LY75: variants seen among roughly 807,000 people sequenced by gnomAD.
The protein encoded by LY75 is lymphocyte antigen 75.
LY75 carries 185 observed loss-of-function variants against 231.7 expected under a neutral mutation model. That is an observed-to-expected ratio of 0.80 (90% CI 0.71 to 0.90). The LOEUF (loss-of-function observed/expected upper bound fraction) is 0.90. Among genes scored for constraint, LY75 ranks in the 40% least tolerant of loss-of-function variants. The pLI is 0.00. For missense variants in LY75, 1,947 were observed against 2,050.2 expected, an observed-to-expected ratio of 0.95 and a Z score of 0.97; for synonymous variants, 668 against 689.0, an observed-to-expected ratio of 0.97 and a Z score of 0.48.
At position 159,817,001 on chromosome 2, in the gene LY75, C is replaced by T. The variant is rs1357152155; in HGVS notation, c.4185G>A (p.Leu1395=). 1 of 1,613,874 alleles carries T rather than the reference C, an allele frequency of 6.2e-7. No individual in the cohort carries two copies. The highest frequency in any genetic ancestry group is 8.5e-7 in the Non-Finnish European group (1 of 1,179,860). ...VDYKEEYNTT[L]PQFMPYEDGI... is the part of the protein sequence containing the mutation. ...CATCTTCATATGGCATAAACTGTGG[C>T]AGTGTAGTATTATATTCTTCTTTGT... Residue 1395 remains leucine, a synonymous_variant, in exon 30 of 35, where the codon CTG becomes CTA. Coordinates refer to ENST00000263636, the MANE Select transcript of LY75 (RefSeq NM_002349.4).
intron 2 of LY75, 64 bp downstream of exon 2, chr2:159,898,624 A>G: frequency 6.4e-7 from 1 of 1,552,402 alleles, no homozygotes; most frequent in Non-Finnish European, 8.7e-7. Flanking sequence ...TAAATTGTGC[A>G]TGTTTAATGC....
chr2:159,886,928 T>C (rs2125879527), intron 4 of LY75, among the ~76,000 whole-genome samples: 1 of 152,102 alleles, frequency 6.6e-6, no homozygotes, highest in African/African-American at 2.4e-5. Context: ...ACAATTTAAA[T>C]TCATTAGGCA....
chr2:159,903,680 A>AC (rs1420687545), intron 1 of LY75: 2 of 152,264 alleles, frequency 1.3e-5, no homozygotes, highest in Admixed American at 1.3e-4. Flanking sequence ...TTCCTCATAC[A>AC]GGCACGATAA....
intron 16 of LY75, among the ~76,000 whole-genome samples, chr2:159,857,431 C>G (rs2729718): frequency 0.034 from 5,223 of 152,244 alleles, 251 homozygotes; most frequent in East Asian, 0.16. Context: ...TAATTTCATA[C>G]AGCCAATCTC....
chr2:159,821,975 G>C (rs559603019), intron 28 of LY75, among the ~76,000 whole-genome samples: 1 of 152,304 alleles, frequency 6.6e-6, no homozygotes, highest in Admixed American at 6.5e-5. Context: ...AGCCATGAGG[G>C]ACTGAGCCTG....
intron 23 of LY75, among the ~76,000 whole-genome samples, chr2:159,844,323 T>TAAA (rs66740962): frequency 1.5e-5 from 2 of 133,420 alleles, no homozygotes; most frequent in Admixed American, 7.4e-5. Flanking sequence ...GGCCTAATGG[T>TAAA]AAAAAAAAAA....
At chr2:159,866,960 T>C (rs1313343823) in intron 13 of LY75, among the ~76,000 whole-genome samples, 2 of 152,112 alleles carry the variant, frequency 1.3e-5, no homozygotes, top group Admixed American at 1.3e-4. Flanking sequence ...CTCAAGCCCT[T>C]ACCCAGTCTT....
At chr2:159,897,887 G>A (rs1484786949) in intron 2 of LY75, among the ~76,000 whole-genome samples, 1 of 152,138 alleles carries the variant, frequency 6.6e-6, no homozygotes, top group Admixed American at 6.5e-5. Flanking sequence ...CCTAGACTCA[G>A]GGCTAAGTCC....
At chr2:159,902,155 A>G (rs940730682) in intron 1 of LY75, among the ~76,000 whole-genome samples, 1 of 152,350 alleles carries the variant, frequency 6.6e-6, no homozygotes, top group East Asian at 1.9e-4. Context: ...TTCTTTATCA[A>G]TAGCTTTCTA....
chr2:159,863,129 A>G (rs1428307871), intron 14 of LY75, among the ~76,000 whole-genome samples: 7 of 151,548 alleles, frequency 4.6e-5, no homozygotes, highest in African/African-American at 1.7e-4. Flanking sequence ...GTTGTCACAA[A>G]CGGCAGGATT....
chr2:159,847,852 G>A (rs1684249823), intron 23 of LY75, among the ~76,000 whole-genome samples: 1 of 151,852 alleles, frequency 6.6e-6, no homozygotes, highest in African/African-American at 2.4e-5. Context: ...CTCTCTGCAG[G>A]TAATGTGAAA....
intron 4 of LY75, 63 bp downstream of exon 4, chr2:159,890,150 C>G (rs1039491657): frequency 6.4e-7 from 1 of 1,558,698 alleles, no homozygotes; most frequent in Non-Finnish European, 8.6e-7. Context: ...GATATGAAAA[C>G]AGAAGAAGAA....
intron 29 of LY75, among the ~76,000 whole-genome samples, chr2:159,817,947 G>GC (rs1216355976): frequency 6.6e-6 from 1 of 152,132 alleles, no homozygotes; most frequent in African/African-American, 2.4e-5. Flanking sequence ...TACTTGGGAG[G>GC]CTGAGGCAGG....
chr2:159,850,320 C>G, intron 22 of LY75, 42 bp downstream of exon 22: 1 of 1,607,886 alleles, frequency 6.2e-7, no homozygotes, highest in Non-Finnish European at 8.5e-7. Flanking sequence ...CTAACCTGGC[C>G]CCAGATCAGA....
chr2:159,875,730 G>A (rs1685247218), intron 11 of LY75, 87 bp from the exon 12 acceptor site: 11 of 1,502,882 alleles, frequency 7.3e-6, no homozygotes, highest in Non-Finnish European at 3.6e-6. Context: ...CTTCAGCCAA[G>A]TTGGGGAGAG....
rs1553809698 is a variant in LY75, at chr2:159,874,084, G to GTATATATTTTGTAAAAAAATATAAACGTA, written c.1974+1359_1974+1360insTACGTTTATATTTTTTTACAAAATATATA. On this transcript the variant is annotated intron_variant, in intron 12 of 34. Transcript: ENST00000263636. Reference sequence around the variant, plus strand: ...ATATATTTTGTAAAAATATATAAACGTATATATTTTGTAAATATATAAACG... The same window carrying GTATATATTTTGTAAAAAAATATAAACGTA: ...ATATATTTTGTAAAAATATATAAACGTATATATTTTGTAAAAAAATATAAACGTATATATATTTTGTAAATATATAAACG... Among the ~76,000 whole-genome samples, 19 of 6,466 alleles carry GTATATATTTTGTAAAAAAATATAAACGTA rather than the reference G, an allele frequency of 2.9e-3. 1 individual carries two copies. The East Asian group carries it at 0.032, about 11-fold the overall frequency. 4.2% of individuals were successfully genotyped at this position (6,466 alleles called of 152,430 possible). A position where few individuals can be genotyped will look rare whatever the true frequency, so the allele number is the denominator to read the frequency against.
intron 29 of LY75, among the ~76,000 whole-genome samples, chr2:159,819,481 A>G (rs1373619697): frequency 6.6e-6 from 1 of 152,114 alleles, no homozygotes; most frequent in African/African-American, 2.4e-5. Flanking sequence ...CAATTAATCT[A>G]AGACCAATTT....
chr2:159,850,189 A>C (rs766702779), intron 22 of LY75, 49 bp from the exon 23 acceptor site: 17 of 1,555,930 alleles, frequency 1.1e-5, no homozygotes, highest in Non-Finnish European at 1.1e-5. Flanking sequence ...CAAATTAAAG[A>C]TACATTAAAA....
At chr2:159,817,531 C>G (rs552088818) in intron 29 of LY75, among the ~76,000 whole-genome samples, 1 of 152,174 alleles carries the variant, frequency 6.6e-6, no homozygotes, top group South Asian at 2.1e-4. Flanking sequence ...GAAAGAGCTC[C>G]CAAGGGCCAA....
Sources: gnomAD v4.1 joint callset for allele counts (sites outside exome capture counted in the v4.1 genomes callset) on GRCh38, gnomAD v4.1.1 for gene constraint, MANE v1.5 for transcripts, NCBI Gene and HGNC (gene_info 2026-07-23, HGNC 2026-07-21) for gene names.